Variants in ALDH3B2 observed in about 807,000 individuals in gnomAD.
ALDH3B2 encodes the protein aldehyde dehydrogenase 3 family member B2, also known as aldehyde dehydrogenase family 3 member B2.
Under a neutral mutation model 36.7 loss-of-function variants are expected in ALDH3B2, and 45 were observed. That is an observed-to-expected ratio of 1.23 (90% CI 0.97 to 1.57). The LOEUF (loss-of-function observed/expected upper bound fraction) is 1.57. ALDH3B2 is among the 40% of genes most tolerant of loss of function. The pLI is 0.00. For synonymous variants in ALDH3B2, 217 were observed against 226.5 expected (o/e 0.96, Z 0.38); for missense variants, 464 against 513.3 (o/e 0.90, Z 0.93).
chr11:67,663,520 C>T (rs1855809885), intron 9 of ALDH3B2, 121 bp from the exon 10 acceptor site: 1 of 1,396,704 alleles, frequency 7.2e-7, no homozygotes, highest in Non-Finnish European at 9.9e-7. Context: ...AGGCCACTCA[C>T]AGAGCCATTT....
upstream of ALDH3B2, among the ~76,000 whole-genome samples, chr11:67,675,497 A>G (rs2514063): frequency 0.92 from 140,176 of 152,158 alleles, 65,532 homozygotes; most frequent in Non-Finnish European, 1. Flanking sequence ...ACCTTCCCCC[A>G]AGCCTGAGAC....
At chr11:67,670,248 G>A (rs61894525) in intron 1 of ALDH3B2, among the ~76,000 whole-genome samples, 193 of 53,956 alleles carry the variant, frequency 3.6e-3, no homozygotes, top group Middle Eastern at 0.014. Context: ...GGGTGTCTGT[G>A]TGTGTATGGG....
At chr11:67,664,660 G>A in intron 7 of ALDH3B2, 98 bp from the exon 8 acceptor site, 1 of 1,492,968 alleles carries the variant, frequency 6.7e-7, no homozygotes, top group Non-Finnish European at 9.0e-7. Context: ...CAGGGCTCCA[G>A]GCCAGGATCC....
exon 10 of ALDH3B2, chr11:67,663,167 G>C: frequency 5.8e-6 from 9 of 1,552,026 alleles, no homozygotes; most frequent in Non-Finnish European, 7.9e-6. Flanking sequence ...GCCCCTCATG[G>C]CTAGACTCAG....
At chr11:67,666,581 G>A (rs767382764) in exon 4 of ALDH3B2, 8 of 1,614,032 alleles carry the variant, frequency 5.0e-6, no homozygotes, top group East Asian at 4.5e-5. Flanking sequence ...CACCTGCGGC[G>A]AGGGCGCCCA....
In ALDH3B2 at chr11:67,680,057, T is replaced by G. The variant is rs553400990; in HGVS notation, c.-245+1119A>C. Among the ~76,000 whole-genome samples, 37 of 152,300 alleles carry G rather than the reference T, an allele frequency of 2.4e-4. No homozygotes were observed. In the South Asian group the frequency reaches 3.5e-3, roughly 15 times the overall value. On this transcript the variant is annotated intron_variant, in intron 1 of 9. Transcript: ENST00000530069. The stretch of plus-strand genomic sequence containing the variant: ...GAGGCCAGGCATGGTGTCTCATGCC[T>G]GTAATCCCAGCACTCTGGGAGGCCG...
At chr11:67,665,159 T>A (rs1591141646) in intron 7 of ALDH3B2, 126 bp downstream of exon 7, 1 of 1,486,392 alleles carries the variant, frequency 6.7e-7, no homozygotes, top group Non-Finnish European at 9.0e-7. Flanking sequence ...GAGCCATGGC[T>A]CAAGGCCGGG....
At chr11:67,670,769 C>T (rs1856086574) in intron 1 of ALDH3B2, among the ~76,000 whole-genome samples, 1 of 152,182 alleles carries the variant, frequency 6.6e-6, no homozygotes, top group Non-Finnish European at 1.5e-5. Context: ...GCAGCGTGAT[C>T]ACATTCCTGG....
chr11:67,664,747 C>T (rs945038253), intron 7 of ALDH3B2, among the ~76,000 whole-genome samples, 185 bp from the exon 8 acceptor site: 1 of 152,168 alleles, frequency 6.6e-6, no homozygotes, highest in African/African-American at 2.4e-5. Flanking sequence ...CCAGAAGGGA[C>T]CCTAGGGCTT....
rs1042102250 is a variant in ALDH3B2, at chr11:67,666,410, G to A, written c.152-9C>T. 18 of 1,607,990 alleles carry A rather than the reference G, an allele frequency of 1.1e-5. No individual in the cohort carries two copies. The highest frequency in any genetic ancestry group is 1.4e-5 in the Non-Finnish European group (17 of 1,177,346). Reference sequence around the variant, plus strand: ...CAGCACCACGCAACTCCCTGCAGGGGCAGATGGGGACGTCGTTGGGGGAGC... The same window carrying A: ...CAGCACCACGCAACTCCCTGCAGGGACAGATGGGGACGTCGTTGGGGGAGC... On this transcript the variant is annotated splice_polypyrimidine_tract_variant and intron_variant, in intron 4 of 9. Transcript: ENST00000349015.
exon 10 of ALDH3B2, chr11:67,663,135 A>C: frequency 1.4e-6 from 2 of 1,470,292 alleles, no homozygotes; most frequent in Non-Finnish European, 1.8e-6. Flanking sequence ...GTCTGGAGGA[A>C]CAATGTGAGT....
chr11:67,679,515 C>G (rs921594401), upstream of ALDH3B2, among the ~76,000 whole-genome samples: 3 of 151,830 alleles, frequency 2.0e-5, no homozygotes, highest in Non-Finnish European at 4.4e-5. Context: ...CACAGTGGCT[C>G]ATGCCTGTAA....
chr11:67,663,454 C>T, intron 9 of ALDH3B2, 55 bp from the exon 10 acceptor site: 1 of 1,566,014 alleles, frequency 6.4e-7, no homozygotes, highest in African/African-American at 1.3e-5. Context: ...GGAGCCCCAG[C>T]AGCAGCCCAC....
intron 1 of ALDH3B2, among the ~76,000 whole-genome samples, chr11:67,679,909 A>G (rs1856339612): frequency 6.6e-6 from 1 of 152,210 alleles, no homozygotes; most frequent in African/African-American, 2.4e-5. Context: ...CTAGAAAGAG[A>G]AATTCTTTCA....
chr11:67,663,014 C>T, exon 10 of ALDH3B2: 1 of 662,632 alleles, frequency 1.5e-6, no homozygotes, highest in Middle Eastern at 4.1e-4. Flanking sequence ...GGCCTCTTGG[C>T]CTCTCTCGAG....
chr11:67,679,172 G>GA (rs1453980136), upstream of ALDH3B2, among the ~76,000 whole-genome samples: 5 of 151,600 alleles, frequency 3.3e-5, no homozygotes, highest in East Asian at 1.9e-4. Context: ...ATAACTTATG[G>GA]AAAAAAAATC....
At chr11:67,668,518 T>C (rs1855984191) in intron 1 of ALDH3B2, among the ~76,000 whole-genome samples, 1 of 152,108 alleles carries the variant, frequency 6.6e-6, no homozygotes, top group Non-Finnish European at 1.5e-5. Flanking sequence ...GGTGCGCAAA[T>C]CCTGTGTCTT....
intron 6 of ALDH3B2, 104 bp downstream of exon 6, chr11:67,666,018 C>A: frequency 7.1e-7 from 1 of 1,406,000 alleles, no homozygotes; most frequent in Non-Finnish European, 9.9e-7. Context: ...CAGCTCCCCA[C>A]GTGCCCCCAC....
At chr11:67,664,143 C>G (rs572949953) in intron 8 of ALDH3B2, 3 of 612,888 alleles carry the variant, frequency 4.9e-6, no homozygotes, top group East Asian at 5.7e-5. Flanking sequence ...TGTGCAGAAC[C>G]TTTGCACAGT....
Sources: allele counts gnomAD v4.1 joint callset (sites outside exome capture counted in the v4.1 genomes callset), GRCh38; gene constraint gnomAD v4.1.1; transcripts MANE v1.5; gene names NCBI Gene and HGNC (gene_info 2026-07-23, HGNC 2026-07-21).